Variants in CSK observed in about 807,000 individuals in gnomAD.
The protein encoded by CSK is C-terminal Src kinase.
A neutral mutation model predicts 62.3 loss-of-function variants in CSK; 7 were observed. The observed-to-expected ratio is 0.11, with a 90% CI of 0.06 to 0.21. The LOEUF (loss-of-function observed/expected upper bound fraction) is 0.21. Ranked by LOEUF, CSK falls within the 10% of genes least tolerant of loss-of-function variation. CSK has a pLI of 1.00. For synonymous variants in CSK, 237 were observed against 246.0 expected, an observed-to-expected ratio of 0.96 and a Z score of 0.34; for missense variants, 294 against 613.5, an observed-to-expected ratio of 0.48 and a Z score of 5.50.
intron 1 of CSK, among the ~76,000 whole-genome samples, chr15:74,786,192 T>G (rs993327308): frequency 4.6e-5 from 7 of 151,922 alleles, no homozygotes; most frequent in African/African-American, 1.7e-4. Flanking sequence ...TGGCTAATTT[T>G]GTATTTTTAG....
At position 74,800,670 on chromosome 15, in the gene CSK, C is replaced by T. The variant is rs1365449559; in HGVS notation, c.557-11C>T. 1.9e-6 allele frequency: 3 copies of T among 1,543,308 alleles called. No homozygotes were observed. The highest frequency in any genetic ancestry group is 2.6e-6 in the Non-Finnish European group (3 of 1,142,012). On this transcript the variant is annotated splice_polypyrimidine_tract_variant and intron_variant, in intron 6 of 12. Coordinates refer to ENST00000220003, the MANE Select transcript of CSK (RefSeq NM_004383.3). ...AGTGGCCTCCAGGCCCTCACTGGCCCCTCCCCACAGGCGGCTGGGCCCTGA... is the reference window on the plus strand; with the variant it reads ...AGTGGCCTCCAGGCCCTCACTGGCCTCTCCCCACAGGCGGCTGGGCCCTGA...
chr15:74,800,855 G>A lies in CSK; in HGVS notation c.655G>A (p.Val219Ile). The A allele has an allele frequency of 6.2e-7, 1 of 1,613,382 alleles. No individual in the cohort carries two copies. Among genetic ancestry groups the A allele is most frequent in the Non-Finnish European group, 8.5e-7 (1 of 1,179,966 alleles). Residue 219 changes from valine to isoleucine, a missense_variant, in exon 8 of 13, where the codon GTC becomes ATC. This residue lies in a region of CSK where 202 missense variants were observed against 415.7 expected (regional missense o/e 0.49). Transcript: ENST00000220003. ...GCTGGGCGATTACCGAGGGAACAAAGTCGCCGTCAAGTGCATTAAGAACGA... is the reference window on the plus strand; with the variant it reads ...GCTGGGCGATTACCGAGGGAACAAAATCGCCGTCAAGTGCATTAAGAACGA... ...VMLGDYRGNK[V>I]AVKCIKNDAT...
chr15:74,790,362 A>G, intron 1 of CSK, among the ~76,000 whole-genome samples: 1 of 152,206 alleles, frequency 6.6e-6, no homozygotes, highest in East Asian at 1.9e-4. Flanking sequence ...TTGGGGGTCT[A>G]CAGCTGCTTC....
chr15:74,792,687 C>CA (rs1285442942), intron 1 of CSK, among the ~76,000 whole-genome samples: 4 of 152,226 alleles, frequency 2.6e-5, no homozygotes, highest in Non-Finnish European at 4.4e-5. Context: ...GTCTCACCTT[C>CA]TGGAGATGTT....
intron 1 of CSK, among the ~76,000 whole-genome samples, chr15:74,784,206 G>T (rs915920114): frequency 2.6e-5 from 4 of 152,060 alleles, no homozygotes; most frequent in African/African-American, 9.7e-5. Flanking sequence ...ACGATTTAGG[G>T]TTTTTTTGTT....
In CSK at chr15:74,782,244, G is replaced by T. The variant is rs2063445623; in HGVS notation, c.-542G>T. 1.3e-5 allele frequency: 2 copies of T among 149,010 alleles called. No homozygotes were observed. Among genetic ancestry groups the T allele is most frequent in the South Asian group, 1.8e-4 (1 of 5,432 alleles). 9.2% of individuals were successfully genotyped at this position (149,010 alleles called of 1,614,324 possible). On this transcript the variant is annotated 5_prime_UTR_variant, in exon 1 of 13. Transcript: ENST00000220003. The surrounding 1 kb of genome is among the most constrained non-coding windows in gnomAD (Gnocchi z 5.7). ...CTTCTGCCGGGGTGGGGTCCGAGCC[G>T]GGCGACCGCCCGGCTGCGCCGCCGT...
In CSK at chr15:74,802,196, G is replaced by T. The variant is rs897244693; in HGVS notation, c.1170+113G>T. The T allele has an allele frequency of 3.4e-5, 47 of 1,391,398 alleles. No homozygotes were observed. In the Admixed American group the frequency reaches 9.8e-4, roughly 29 times the overall value. The allele number at this position is 1,391,398 out of a possible 1,614,324, so 86.2% of individuals were successfully genotyped here. ...ATCAAGGCCTAGAAGCCTCAGGCCT[G>T]CCCTGGGGAGCTCACAGGCCACTCT... On this transcript the variant is annotated intron_variant, in intron 12 of 12. Transcript: ENST00000220003.
Position 74,802,598 on chromosome 15 carries a change from G to A in CSK, c.*85G>A. ...TGGTGCCCCTGCTCACTGGGCCCGA[G>A]CCTGAACTGAGCCCCAGCGGGCTGG... On this transcript the variant is annotated 3_prime_UTR_variant, in exon 13 of 13. Coordinates refer to ENST00000220003, the MANE Select transcript of CSK (RefSeq NM_004383.3). 6.5e-7 allele frequency: 1 copy of A among 1,528,582 alleles called. No individual in the cohort carries two copies. The highest frequency in any genetic ancestry group is 8.8e-7 in the Non-Finnish European group (1 of 1,134,618). 94.7% of individuals were successfully genotyped at this position (1,528,582 alleles called of 1,614,324 possible).
rs770081932 is a variant in CSK at position 74,801,107 on chromosome 15, G to T, written c.813+5G>T. 1 of 1,612,780 alleles carries T rather than the reference G, an allele frequency of 6.2e-7. No individual in the cohort carries two copies. The highest frequency in any genetic ancestry group is 8.5e-7 in the Non-Finnish European group (1 of 1,179,856). Reference sequence around the variant, plus strand: ...GTCACTGAGTACATGGCCAAGGTGGGCACCTGCCGAGACCCGGCACTCAGG... The same window carrying T: ...GTCACTGAGTACATGGCCAAGGTGGTCACCTGCCGAGACCCGGCACTCAGG... On this transcript the variant is annotated splice_donor_5th_base_variant and intron_variant, in intron 9 of 12. Transcript: ENST00000220003.
intron 1 of CSK, among the ~76,000 whole-genome samples, chr15:74,793,512 T>C (rs2063657370): frequency 6.6e-6 from 1 of 152,176 alleles, no homozygotes; most frequent in Admixed American, 6.5e-5. Context: ...CTCAGGAGTT[T>C]GACACCTGAG....
At chr15:74,795,896 A>G (rs554333726) in intron 1 of CSK, among the ~76,000 whole-genome samples, 3 of 152,218 alleles carry the variant, frequency 2.0e-5, no homozygotes, top group Non-Finnish European at 2.9e-5. Flanking sequence ...GTATTCTTAC[A>G]ATAAAGTAAG....
At position 74,798,372 on chromosome 15, in the gene CSK, T is replaced by C. The variant is rs2063737546; in HGVS notation, c.15+60T>C. The C allele has an allele frequency of 1.3e-6, 2 of 1,584,010 alleles. No homozygotes were observed. Among genetic ancestry groups the C allele is most frequent in the South Asian group, 2.3e-5 (2 of 87,950 alleles). ...ATTCCCACCAGCCCCAGCGGGGTGC[T>C]TAGCAGAGGAGAGAGGATGCAGCTT... On this transcript the variant is annotated intron_variant, in intron 2 of 12. Coordinates refer to ENST00000220003, the MANE Select transcript of CSK (RefSeq NM_004383.3). The surrounding 1 kb of genome is among the most constrained non-coding windows in gnomAD (Gnocchi z 6.6).
intron 1 of CSK, among the ~76,000 whole-genome samples, chr15:74,797,539 A>G (rs2063725572): frequency 6.6e-6 from 1 of 152,178 alleles, no homozygotes; most frequent in Admixed American, 6.6e-5. Context: ...AAGAAAAGAA[A>G]AGAAATTCAT....
At chr15:74,795,993 G>T (rs574512906) in intron 1 of CSK, among the ~76,000 whole-genome samples, 2 of 152,138 alleles carry the variant, frequency 1.3e-5, no homozygotes, top group African/African-American at 4.8e-5. Context: ...TGGGGCAGGC[G>T]GATCACTTGA....
At position 74,800,939 on chromosome 15, in the gene CSK, TA is replaced by T. The variant is rs1567219329; in HGVS notation, c.722+18del. 3 of 1,612,146 alleles carry T rather than the reference TA, an allele frequency of 1.9e-6. No individual in the cohort carries two copies. Among genetic ancestry groups the T allele is most frequent in the East Asian group, 2.2e-5 (1 of 44,866 alleles). ...AGTCATGACGTGAGTGGGGGCGGGG[TA>T]GGGGGGAGGTTGGCCTAGGTTAGGA... On this transcript the variant is annotated intron_variant, in intron 8 of 12. Transcript: ENST00000220003.
intron 1 of CSK, among the ~76,000 whole-genome samples, chr15:74,792,123 T>G (rs963756491): frequency 6.6e-6 from 1 of 152,136 alleles, no homozygotes; most frequent in African/African-American, 2.4e-5. Flanking sequence ...GCTGTCCCCT[T>G]TCAGGGACAT....
At chr15:74,801,500 G>T (rs1468865397) in intron 9 of CSK, 22 bp from the exon 10 acceptor site, 2 of 1,606,676 alleles carry the variant, frequency 1.2e-6, no homozygotes, top group Admixed American at 1.7e-5. Flanking sequence ...ACCTCGGCCT[G>T]GTCTGTCCTT....
intron 1 of CSK, among the ~76,000 whole-genome samples, chr15:74,785,949 G>A (rs2063509547): frequency 1.3e-5 from 2 of 151,058 alleles, no homozygotes; most frequent in South Asian, 4.2e-4. Context: ...TCCCCTTCCG[G>A]TCTCCCAGCA....
intron 1 of CSK, among the ~76,000 whole-genome samples, chr15:74,784,982 C>G (rs1016477469): frequency 6.6e-6 from 1 of 151,716 alleles, no homozygotes; most frequent in South Asian, 2.1e-4. Context: ...AGCTAGGGAG[C>G]AGGTGGGTCC....
Sources: gnomAD v4.1 joint callset for allele counts (sites outside exome capture counted in the v4.1 genomes callset) on GRCh38, gnomAD v4.1.1 for gene constraint, gnomAD v4.1.1 regional missense constraint, Gnocchi (gnomAD v3.1) non-coding constraint, MANE v1.5 for transcripts, NCBI Gene and HGNC (gene_info 2026-07-23, HGNC 2026-07-21) for gene names.